The following DOCK1 variants were observed in gnomAD, a reference collection of about 807,000 sequenced individuals.
DOCK1 encodes dedicator of cytokinesis protein 1.
A neutral mutation model predicts 262.7 loss-of-function variants in DOCK1; 138 were observed. That is an observed-to-expected ratio of 0.53 (90% confidence interval 0.46 to 0.61). DOCK1 has a LOEUF of 0.61. Among genes scored for constraint, DOCK1 ranks in the 20% least tolerant of loss-of-function variants. DOCK1 has a pLI of 0.00. For synonymous variants in DOCK1, 866 were observed against 867.4 expected (o/e 1.00, Z 0.03); for missense variants, 1,908 against 2,370.7 (o/e 0.80, Z 4.05).
chr10:127,034,599 C>A (rs954001311), intron 18 of DOCK1, among the ~76,000 whole-genome samples: 1 of 152,146 alleles, frequency 6.6e-6, no homozygotes, highest in African/African-American at 2.4e-5. Context: ...CTCCACTCGC[C>A]TGACAGATGA....
At chr10:127,330,898 A>G (rs1229882287) in intron 29 of DOCK1, among the ~76,000 whole-genome samples, 1 of 152,236 alleles carries the variant, frequency 6.6e-6, no homozygotes, top group Non-Finnish European at 1.5e-5. Flanking sequence ...GGATGACCCA[A>G]GGGTGGAGGT....
At chr10:127,126,841 T>G (rs539607060) in intron 26 of DOCK1, among the ~76,000 whole-genome samples, 15 of 152,250 alleles carry the variant, frequency 9.9e-5, no homozygotes, top group Non-Finnish European at 1.6e-4. Flanking sequence ...CCCATATACC[T>G]GGCCACCCAC....
intron 31 of DOCK1, among the ~76,000 whole-genome samples, chr10:127,349,647 T>C (rs757460042): frequency 6.6e-6 from 1 of 152,208 alleles, no homozygotes; most frequent in Non-Finnish European, 1.5e-5. Flanking sequence ...GTGGCTTGAA[T>C]TGATTGTCTC....
Position 127,320,621 on chromosome 10 carries a change from G to A in DOCK1, c.3045-18385G>A, listed in dbSNP as rs373314782. On this transcript the variant is annotated intron_variant, in intron 29 of 51. Coordinates refer to ENST00000623213, the MANE Select transcript of DOCK1 (RefSeq NM_001290223.2). ...GTGTCCCAGGGACAGTGGCGAGCCT[G>A]AAACTAGACATGGGGAGAGAAGAGA... is the stretch of plus-strand genomic sequence containing the variant. 1.7e-4 allele frequency among the ~76,000 whole-genome samples: 26 copies of A among 152,286 alleles called. No individual in the cohort carries two copies. The South Asian group carries it at 4.6e-3, about 27-fold the overall frequency.
chr10:127,065,826 C>G (rs1026550839), intron 23 of DOCK1, among the ~76,000 whole-genome samples: 1 of 149,988 alleles, frequency 6.7e-6, no homozygotes, highest in Admixed American at 6.7e-5. Flanking sequence ...TGCACTCCAG[C>G]CTGGGCAACA....
chr10:127,390,364 A>G (rs1035393027), intron 38 of DOCK1, among the ~76,000 whole-genome samples: 3 of 152,130 alleles, frequency 2.0e-5, no homozygotes, highest in African/African-American at 4.8e-5. Flanking sequence ...AAAAAAACAA[A>G]TGTTCTTATG....
At chr10:127,148,171 C>T (rs1404103210) in intron 27 of DOCK1, among the ~76,000 whole-genome samples, 1 of 152,118 alleles carries the variant, frequency 6.6e-6, no homozygotes, top group Admixed American at 6.6e-5. Flanking sequence ...GGTGTGGAGC[C>T]TTGTGGCGTT....
chr10:127,241,250 C>T (rs750310952), intron 27 of DOCK1, among the ~76,000 whole-genome samples: 4 of 152,118 alleles, frequency 2.6e-5, no homozygotes, highest in East Asian at 1.9e-4. Flanking sequence ...ACCCAGGAAG[C>T]GGAGGTTGCA....
chr10:127,301,147 A>G (rs2061665215), intron 29 of DOCK1, among the ~76,000 whole-genome samples: 1 of 152,216 alleles, frequency 6.6e-6, no homozygotes, highest in African/African-American at 2.4e-5. Context: ...AGCTTTTTCC[A>G]GTTACAGTGA....
rs2229600 is a variant in DOCK1 at position 127,418,394 on chromosome 10, T to A, written c.4545T>A (p.Ile1515=). Residue 1515 remains isoleucine (I), a synonymous_variant, in exon 45 of 52, where the codon ATT becomes ATA. Coordinates refer to ENST00000623213, the MANE Select transcript of DOCK1 (RefSeq NM_001290223.2). ...AAATCAGCCCCCTGGAGAATGCCATTGAGACCATGCAGCTGACGAACGACA... is the reference window on the plus strand; with the variant it reads ...AAATCAGCCCCCTGGAGAATGCCATAGAGACCATGCAGCTGACGAACGACA... ...MVEISPLENA[I]ETMQLTNDKI... 1,053 of 1,612,930 alleles carry A rather than the reference T, an allele frequency of 6.5e-4. 3 individuals carry two copies. In the African/African-American group the frequency reaches 9.3e-3, roughly 14 times the overall value.
At chr10:127,050,064 C>G (rs11018320) in intron 21 of DOCK1, among the ~76,000 whole-genome samples, 33,013 of 145,224 alleles carry the variant, frequency 0.23, 3,726 homozygotes, top group East Asian at 0.26. Context: ...GGATGTATTA[C>G]CATTTATTGA....
chr10:127,033,194 T>C (rs1433986637), intron 18 of DOCK1, among the ~76,000 whole-genome samples: 1 of 152,204 alleles, frequency 6.6e-6, no homozygotes, highest in Non-Finnish European at 1.5e-5. Flanking sequence ...TATCTTTATT[T>C]TTAAAAGCTG....
intron 28 of DOCK1, among the ~76,000 whole-genome samples, chr10:127,255,695 C>A (rs2059805988): frequency 6.6e-6 from 1 of 152,188 alleles, no homozygotes; most frequent in Non-Finnish European, 1.5e-5. Flanking sequence ...GGGACTGTGT[C>A]TCTTAGAAAA....
At chr10:127,019,516 A>G (rs891442219) in intron 13 of DOCK1, among the ~76,000 whole-genome samples, 1 of 139,220 alleles carries the variant, frequency 7.2e-6, no homozygotes, top group Non-Finnish European at 1.6e-5. Context: ...TGGGAGTTCG[A>G]GGCGGGGGGA....
chr10:127,278,615 G>T (rs940299758), intron 29 of DOCK1, among the ~76,000 whole-genome samples: 2 of 152,308 alleles, frequency 1.3e-5, no homozygotes, highest in African/African-American at 4.8e-5. Flanking sequence ...AGGCTATTGA[G>T]CCAGAGTACC....
chr10:127,192,388 A>C (rs1262587078), intron 27 of DOCK1, among the ~76,000 whole-genome samples: 1 of 152,214 alleles, frequency 6.6e-6, no homozygotes, highest in Non-Finnish European at 1.5e-5. Flanking sequence ...TCTACATTCA[A>C]GTTAATTTTC....
chr10:127,266,355 G>A (rs1027192005), intron 29 of DOCK1, among the ~76,000 whole-genome samples: 1 of 151,890 alleles, frequency 6.6e-6, no homozygotes, highest in Admixed American at 6.6e-5. Context: ...ATATTTATTG[G>A]CTTACTATTG....
At chr10:127,324,274 G>A (rs1376993694) in intron 29 of DOCK1, among the ~76,000 whole-genome samples, 2 of 152,214 alleles carry the variant, frequency 1.3e-5, no homozygotes, top group African/African-American at 2.4e-5. Flanking sequence ...CGTCTCCTGG[G>A]AAACATGAAG....
At chr10:127,087,464 A>G (rs73374755) in intron 23 of DOCK1, among the ~76,000 whole-genome samples, 9,172 of 152,084 alleles carry the variant, frequency 0.06, 724 homozygotes, top group African/African-American at 0.18. Flanking sequence ...TTGTGGACCT[A>G]TCTTGGGGAG....
Sources: gnomAD v4.1 joint callset for allele counts (sites outside exome capture counted in the v4.1 genomes callset) on GRCh38, gnomAD v4.1.1 for gene constraint, MANE v1.5 for transcripts, NCBI Gene and HGNC (gene_info 2026-07-23, HGNC 2026-07-21) for gene names.